Variants in REL observed in about 807,000 individuals in gnomAD.
REL encodes the protein proto-oncogene c-Rel.
In REL, 15 loss-of-function variants were observed where a neutral mutation model predicts 45.9. The ratio of observed to expected loss-of-function variants is 0.33; its 90% CI spans 0.22 to 0.50. REL has a LOEUF of 0.50. REL is among the 20% of genes least tolerant of loss of function. The pLI, the probability that REL is intolerant of heterozygous loss-of-function variation, is 0.98. For missense variants in REL, 601 were observed against 715.2 expected (o/e 0.84, Z 1.82); for synonymous variants, 239 against 242.1 (o/e 0.99, Z 0.12).
At chr2:60,920,355 C>A in intron 8 of REL, 1 of 618,340 alleles carries the variant, frequency 1.6e-6, no homozygotes, top group South Asian at 2.0e-5. Context: ...CATGTGCCAC[C>A]ACACCCGGCT....
At chr2:60,885,563 G>A (rs1247490061) in intron 1 of REL, among the ~76,000 whole-genome samples, 2 of 152,198 alleles carry the variant, frequency 1.3e-5, no homozygotes, top group Non-Finnish European at 2.9e-5. Flanking sequence ...TTAAGGCCCA[G>A]TTGAAAGTCA....
At chr2:60,885,569 A>G (rs1171066647) in intron 1 of REL, among the ~76,000 whole-genome samples, 2 of 152,216 alleles carry the variant, frequency 1.3e-5, no homozygotes, top group East Asian at 3.8e-4. Flanking sequence ...CCCAGTTGAA[A>G]GTCAGCCTGA....
chr2:60,888,983 T>C (rs1673138318), intron 1 of REL, among the ~76,000 whole-genome samples: 1 of 152,248 alleles, frequency 6.6e-6, no homozygotes, highest in Non-Finnish European at 1.5e-5. Context: ...CTGTTCACTG[T>C]GACTAAAACT....
At chr2:60,918,748 C>T in intron 7 of REL, 142 bp downstream of exon 7, 2 of 654,800 alleles carry the variant, frequency 3.1e-6, no homozygotes, top group Non-Finnish European at 5.2e-6. Flanking sequence ...TTGGTTTTTT[C>T]TTTATGCTCT....
chr2:60,927,777 C>G lies in REL; in HGVS notation c.*5242C>G, dbSNP rs1421696123. On this transcript the variant is annotated 3_prime_UTR_variant, in exon 10 of 10. Transcript: ENST00000394479. ...AAGGGGACTAATTTTAAATGTACAG[C>G]TTAATTAATTTTTATGTATGTTAAC... 2 of 228,582 alleles carry G rather than the reference C, an allele frequency of 8.7e-6. No homozygotes were observed. Among genetic ancestry groups the G allele is most frequent in the East Asian group, 1.2e-4 (2 of 16,070 alleles). The allele number at this position is 228,582 out of a possible 1,614,324, so 14.2% of individuals were successfully genotyped here. A position where few individuals can be genotyped will look rare whatever the true frequency, so the allele number is the denominator to read the frequency against.
chr2:60,906,133 T>A lies in REL; in HGVS notation c.394+5050T>A, dbSNP rs1378970750. On this transcript the variant is annotated intron_variant, in intron 4 of 9. Transcript: ENST00000394479. ...TAAAACCATCATATCTTGTGAGACTTATTCACTACCACGAGAGCAGTATGG... is the reference window on the plus strand; with the variant it reads ...TAAAACCATCATATCTTGTGAGACTAATTCACTACCACGAGAGCAGTATGG... Among the ~76,000 whole-genome samples, 6 of 152,148 alleles carry A rather than the reference T, an allele frequency of 3.9e-5. 1 individual carries two copies. The South Asian group carries it at 8.3e-4, about 21-fold the overall frequency.
intron 1 of REL, 146 bp from the exon 2 acceptor site, chr2:60,891,537 A>G: frequency 1.0e-5 from 7 of 699,436 alleles, no homozygotes; most frequent in Non-Finnish European, 1.6e-5. Flanking sequence ...CCAATCTCCA[A>G]GATAACATTT....
rs1235020859 is a variant in REL at position 60,927,927 on chromosome 2, C to T, written c.*5392C>T. 2 of 219,926 alleles carry T rather than the reference C, an allele frequency of 9.1e-6. No individual in the cohort carries two copies. Among genetic ancestry groups the T allele is most frequent in the African/African-American group, 4.5e-5 (2 of 44,512 alleles). The allele number at this position is 219,926 out of a possible 1,614,324, so 13.6% of individuals were successfully genotyped here. A position where few individuals can be genotyped will look rare whatever the true frequency, so the allele number is the denominator to read the frequency against. On this transcript the variant is annotated 3_prime_UTR_variant, in exon 10 of 10. Transcript: ENST00000394479. Reference sequence around the variant, plus strand: ...CTTAATGGCCTTTTAAATAACTGGGCTTCTCACAACCATAGTGAACAGAAA... The same window carrying T: ...CTTAATGGCCTTTTAAATAACTGGGTTTCTCACAACCATAGTGAACAGAAA...
chr2:60,922,552 C>T lies in REL; in HGVS notation c.*17C>T, dbSNP rs924538164. 1 of 1,566,918 alleles carries T rather than the reference C, an allele frequency of 6.4e-7. No individual in the cohort carries two copies. Among genetic ancestry groups the T allele is most frequent in the Non-Finnish European group, 8.6e-7 (1 of 1,156,498 alleles). On this transcript the variant is annotated 3_prime_UTR_variant, in exon 10 of 10. Coordinates refer to ENST00000394479, the MANE Select transcript of REL (RefSeq NM_001291746.2). ...CAAGTATAACTTGCAAGATTTAAAT[C>T]CTTTTAAATCTTGATACCACCTATA...
intron 7 of REL, 82 bp downstream of exon 7, chr2:60,918,688 T>G: frequency 5.4e-6 from 5 of 932,900 alleles, no homozygotes; most frequent in Non-Finnish European, 6.9e-6. Context: ...TTCATTTGAG[T>G]ACAGTTATGT....
At chr2:60,894,351 A>C (rs373609220) in intron 2 of REL, 46 bp from the exon 3 acceptor site, 1 of 1,165,852 alleles carries the variant, frequency 8.6e-7, no homozygotes, top group African/African-American at 1.6e-5. Context: ...ATCAGTTTAT[A>C]ATGCAGTCTA....
intron 3 of REL, chr2:60,900,069 C>T (rs1573324252): frequency 6.6e-6 from 1 of 151,990 alleles, no homozygotes; most frequent in East Asian, 1.9e-4. Context: ...GGAGGACTAA[C>T]AGGCACTGTA....
intron 4 of REL, among the ~76,000 whole-genome samples, chr2:60,902,947 C>T (rs1673537464): frequency 6.6e-6 from 1 of 152,168 alleles, no homozygotes; most frequent in Non-Finnish European, 1.5e-5. Flanking sequence ...AAAAGCTCCA[C>T]TGAATATACA....
chr2:60,907,869 T>C (rs1020589994), intron 4 of REL, among the ~76,000 whole-genome samples: 1 of 151,540 alleles, frequency 6.6e-6, no homozygotes, highest in Non-Finnish European at 1.5e-5. Flanking sequence ...TTTTTTGTAT[T>C]TTTTAGTAGA....
At chr2:60,920,492 C>G in intron 8 of REL, 82 bp from the exon 9 acceptor site, 2 of 1,087,136 alleles carry the variant, frequency 1.8e-6, no homozygotes, top group South Asian at 2.6e-5. Flanking sequence ...GGAGCCACCA[C>G]GCCCGGCCAG....
chr2:60,882,074 C>A (rs1672955341), intron 1 of REL, among the ~76,000 whole-genome samples: 1 of 152,138 alleles, frequency 6.6e-6, no homozygotes, highest in Non-Finnish European at 1.5e-5. Flanking sequence ...TAGCAGGAAC[C>A]TTAGAAATTC....
At position 60,922,422 on chromosome 2, in the gene REL, A is replaced by G. The variant is rs764595884; in HGVS notation, c.1651A>G (p.Ser551Gly). The change falls in exon 10 of 10, where the codon AGT becomes GGT. Residue 551 changes from serine to glycine, a missense_variant. Around this residue, in one of 4 missense-constraint regions of REL, gnomAD observed 334 missense variants for 333.1 expected, o/e 1.00. Coordinates refer to ENST00000394479, the MANE Select transcript of REL (RefSeq NM_001291746.2). ...SMINESGPSN[S>G]TNPNSHGFVQ... ...GATAAATGAGTCGGGACCATCAAACAGTACTAATCCAAACAGTCATGGTTT... is the reference window on the plus strand; with the variant it reads ...GATAAATGAGTCGGGACCATCAAACGGTACTAATCCAAACAGTCATGGTTT... The G allele has an allele frequency of 2.5e-6, 4 of 1,614,110 alleles. No homozygotes were observed. The highest frequency in any genetic ancestry group is 3.4e-6 in the Non-Finnish European group (4 of 1,179,980).
In REL at chr2:60,924,407, T is replaced by C. The variant is rs1674222509; in HGVS notation, c.*1872T>C. On this transcript the variant is annotated 3_prime_UTR_variant, in exon 10 of 10. Coordinates refer to ENST00000394479, the MANE Select transcript of REL (RefSeq NM_001291746.2). ...TATTGAACATTAAAAGTATTACTAA[T>C]AGAACTTTGGTTTTTGAAAGAAATA... The C allele has an allele frequency of 4.7e-6, 1 of 213,968 alleles. No individual in the cohort carries two copies. Among genetic ancestry groups the C allele is most frequent in the East Asian group, 7.1e-5 (1 of 14,112 alleles). 13.3% of individuals were successfully genotyped at this position (213,968 alleles called of 1,614,324 possible).
chr2:60,929,299 G>C lies in REL; in HGVS notation c.*6764G>C, dbSNP rs971295105. On this transcript the variant is annotated 3_prime_UTR_variant, in exon 10 of 10. Coordinates refer to ENST00000394479, the MANE Select transcript of REL (RefSeq NM_001291746.2). ...GGATGTAGAACTGGAAATACCGTTT[G>C]ACCCAGCCATCCCATTACTGGGTAT... 1 of 142,830 alleles carries C rather than the reference G, an allele frequency of 7.0e-6. No individual in the cohort carries two copies. Among genetic ancestry groups the C allele is most frequent in the Non-Finnish European group, 1.5e-5 (1 of 65,086 alleles). 8.8% of individuals were successfully genotyped at this position (142,830 alleles called of 1,614,324 possible).
Sources: gnomAD v4.1 joint callset for allele counts (sites outside exome capture counted in the v4.1 genomes callset) on GRCh38, gnomAD v4.1.1 for gene constraint, gnomAD v4.1.1 regional missense constraint, MANE v1.5 for transcripts, NCBI Gene and HGNC (gene_info 2026-07-23, HGNC 2026-07-21) for gene names.